AJAP1: variants seen among roughly 807,000 people sequenced by gnomAD.
AJAP1 encodes adherens junctions associated protein 1.
AJAP1 carries 5 observed loss-of-function variants against 35.0 expected under a neutral mutation model. The ratio of observed to expected loss-of-function variants is 0.14; its 90% confidence interval spans 0.07 to 0.30. AJAP1 has a LOEUF of 0.30. Ranked by LOEUF, AJAP1 falls within the 10% of genes least tolerant of loss-of-function variation. The pLI is 1.00. For synonymous variants in AJAP1, 284 were observed against 249.3 expected (o/e 1.14, Z -1.31); for missense variants, 586 against 571.0 (o/e 1.03, Z -0.27).
At chr1:4,751,750 G>A (rs1289105450) in intron 2 of AJAP1, among the ~76,000 whole-genome samples, 3 of 152,244 alleles carry the variant, frequency 2.0e-5, no homozygotes, top group Non-Finnish European at 4.4e-5. Flanking sequence ...ACAGAGTGCA[G>A]TTGAAACACA....
intron 2 of AJAP1, among the ~76,000 whole-genome samples, chr1:4,732,131 A>G (rs1640813428): frequency 6.6e-6 from 1 of 152,228 alleles, no homozygotes; most frequent in South Asian, 2.1e-4. Flanking sequence ...GAATGTTCAT[A>G]CAGGGAACAG....
chr1:4,719,596 G>A (rs72857995), intron 2 of AJAP1, among the ~76,000 whole-genome samples: 2 of 152,118 alleles, frequency 1.3e-5, no homozygotes, highest in African/African-American at 4.8e-5. Context: ...GCTCCTGCAG[G>A]CCTGGATTGT....
intron 1 of AJAP1, among the ~76,000 whole-genome samples, chr1:4,701,534 G>A (rs545045432): frequency 2.6e-5 from 4 of 152,326 alleles, no homozygotes; most frequent in East Asian, 1.9e-4. Flanking sequence ...AGTGGTGCCC[G>A]TGCCATCAGG....
At chr1:4,658,305 G>C (rs1287051758) in intron 1 of AJAP1, among the ~76,000 whole-genome samples, 1 of 152,142 alleles carries the variant, frequency 6.6e-6, no homozygotes, top group Admixed American at 6.5e-5. Context: ...GAGGCCCTGG[G>C]TGTGTGTGTT....
At chr1:4,764,816 A>G (rs866522129) in intron 2 of AJAP1, among the ~76,000 whole-genome samples, 1 of 152,184 alleles carries the variant, frequency 6.6e-6, no homozygotes. Context: ...CGTCCTAGAA[A>G]GAAAGCACGT....
intron 2 of AJAP1, among the ~76,000 whole-genome samples, chr1:4,721,282 G>A (rs905502364): frequency 6.6e-6 from 1 of 152,282 alleles, no homozygotes; most frequent in South Asian, 2.1e-4. Flanking sequence ...GCTCTTTGGG[G>A]CTTGGGGACC....
At chr1:4,657,206 T>G (rs1281271161) in intron 1 of AJAP1, among the ~76,000 whole-genome samples, 1 of 152,242 alleles carries the variant, frequency 6.6e-6, no homozygotes, top group Non-Finnish European at 1.5e-5. Context: ...GATTTGAAAT[T>G]TACTAAAACA....
intron 1 of AJAP1, among the ~76,000 whole-genome samples, chr1:4,662,987 G>C (rs550817233): frequency 2.6e-5 from 4 of 152,194 alleles, no homozygotes; most frequent in South Asian, 2.1e-4. Context: ...TCCCCTGCAC[G>C]TGGAAAGTGT....
At chr1:4,706,332 C>T (rs545532389) in intron 1 of AJAP1, among the ~76,000 whole-genome samples, 23 of 152,262 alleles carry the variant, frequency 1.5e-4, no homozygotes, top group African/African-American at 4.6e-4. Context: ...AACGAGGAGG[C>T]GGAGACCTCA....
intron 1 of AJAP1, among the ~76,000 whole-genome samples, chr1:4,668,278 T>A (rs572105370): frequency 6.6e-6 from 1 of 152,026 alleles, no homozygotes; most frequent in Non-Finnish European, 1.5e-5. Flanking sequence ...TCCTGTGTAT[T>A]TGAAGCTAAA....
At position 4,711,968 on chromosome 1, in the gene AJAP1, A is replaced by G; in HGVS notation, c.98A>G (p.Gln33Arg). 1.9e-6 allele frequency: 3 copies of G among 1,579,932 alleles called. No homozygotes were observed. Among genetic ancestry groups the G allele is most frequent in the Non-Finnish European group, 2.6e-6 (3 of 1,168,330 alleles). Residue 33 changes from glutamine to arginine, a missense_variant, in exon 2 of 6, where the codon CAG (glutamine) becomes CGG (arginine). By Grantham distance (43) the Gln-to-Arg change is conservative (BLOSUM62 1). Transcript: ENST00000378191. ...SHAWILIAMF[Q>R]LAVDLPACEA... is the part of the protein sequence containing the mutation. ...GCCTGGATACTGATAGCCATGTTTC[A>G]GCTCGCCGTGGACCTGCCCGCCTGT...
intron 1 of AJAP1, among the ~76,000 whole-genome samples, chr1:4,679,177 T>C (rs1639422646): frequency 1.3e-5 from 2 of 152,180 alleles, no homozygotes; most frequent in Non-Finnish European, 2.9e-5. Context: ...GCCTAACACT[T>C]GGGAAACCTG....
rs533973552 is a variant in AJAP1 at position 4,782,178 on chromosome 1, G to A, written c.*60-367G>A. Among the ~76,000 whole-genome samples the A allele has an allele frequency of 6.6e-6, 1 of 152,304 alleles. No homozygotes were observed. The highest frequency in any genetic ancestry group is 1.9e-4 in the East Asian group (1 of 5,176). Reference sequence around the variant, plus strand: ...GTGAGAGCAGGGCTGCCACACGCAGGCCCCCTGACATGCACGCCTGGGACC... The same window carrying A: ...GTGAGAGCAGGGCTGCCACACGCAGACCCCCTGACATGCACGCCTGGGACC... On this transcript the variant is annotated intron_variant, in intron 5 of 5. Coordinates refer to ENST00000378191, the MANE Select transcript of AJAP1 (RefSeq NM_018836.4). This position sits in a 1 kb window ranked among gnomAD's most constrained non-coding sequence, Gnocchi z 5.3.
At chr1:4,729,593 C>CTAGCTCTGGTGCCCTGAGATGCTGTCTCT (rs1460787277) in intron 2 of AJAP1, among the ~76,000 whole-genome samples, 9 of 152,376 alleles carry the variant, frequency 5.9e-5, no homozygotes, top group South Asian at 4.1e-4. Flanking sequence ...AATCTGTCTC[C>CTAGCTCTGGTGCCCTGAGATGCTGTCTCT]ACCCGAGCCT....
At position 4,665,665 on chromosome 1, in the gene AJAP1, G is replaced by A. The variant is rs370854443; in HGVS notation, c.29+10211G>A. On this transcript the variant is annotated intron_variant, in intron 1 of 5. Coordinates refer to ENST00000378191, the MANE Select transcript of AJAP1 (RefSeq NM_018836.4). ...TGGCCCCAGGTGAGAGCCAGGCAGCGTGACAGGTATGGTAGCCACTGAGGT... is the reference window on the plus strand; with the variant it reads ...TGGCCCCAGGTGAGAGCCAGGCAGCATGACAGGTATGGTAGCCACTGAGGT... Among the ~76,000 whole-genome samples, 19 of 152,254 alleles carry A rather than the reference G, an allele frequency of 1.2e-4. No homozygotes were observed. The East Asian group carries it at 3.1e-3, about 25-fold the overall frequency.
intron 2 of AJAP1, among the ~76,000 whole-genome samples, chr1:4,719,957 A>G (rs1462228377): frequency 6.6e-6 from 1 of 152,096 alleles, no homozygotes; most frequent in Admixed American, 6.5e-5. Context: ...TTAAGCTTCC[A>G]TTTTGTGATG....
At chr1:4,657,974 T>G (rs1443108390) in intron 1 of AJAP1, among the ~76,000 whole-genome samples, 1 of 152,156 alleles carries the variant, frequency 6.6e-6, no homozygotes, top group Non-Finnish European at 1.5e-5. Context: ...ACCCAGTGGC[T>G]TGACAAGCCC....
chr1:4,674,862 C>A (rs1028910336), intron 1 of AJAP1, among the ~76,000 whole-genome samples: 2 of 152,250 alleles, frequency 1.3e-5, no homozygotes, highest in African/African-American at 4.8e-5. Context: ...GCGCCTATTT[C>A]TGTCTTGTTG....
At chr1:4,774,279 G>T (rs1323446473) in intron 4 of AJAP1, 148 bp from the exon 5 acceptor site, 9 of 675,240 alleles carry the variant, frequency 1.3e-5, no homozygotes, top group Non-Finnish European at 2.1e-5. Context: ...GAATGTGGGG[G>T]GTGGTCCCTT....
Sources: allele counts gnomAD v4.1 joint callset (sites outside exome capture counted in the v4.1 genomes callset), GRCh38; gene constraint gnomAD v4.1.1; non-coding constraint Gnocchi (gnomAD v3.1); transcripts MANE v1.5; gene names NCBI Gene and HGNC (gene_info 2026-07-23, HGNC 2026-07-21).